Variants in LRCH3 observed in about 807,000 individuals in gnomAD.
LRCH3 encodes the protein DISP complex protein LRCH3.
LRCH3 carries 68 observed loss-of-function variants against 104.5 expected under a neutral mutation model. That is an observed-to-expected ratio of 0.65 (90% CI 0.54 to 0.80). LRCH3 has a LOEUF of 0.80. Among genes scored for constraint, LRCH3 ranks in the 30% least tolerant of loss-of-function variants. The probability of loss-of-function intolerance (pLI) is 0.00; values close to 1 mark genes in which losing one functional copy is unlikely to be tolerated. For synonymous variants in LRCH3, 344 were observed against 361.3 expected (o/e 0.95, Z 0.54); for missense variants, 951 against 953.9 (o/e 1.00, Z 0.04).
At chr3:197,877,682 G>A (rs1448274743) in intron 20 of LRCH3, among the ~76,000 whole-genome samples, 1 of 152,212 alleles carries the variant, frequency 6.6e-6, no homozygotes, top group African/African-American at 2.4e-5. Context: ...GATCATCTGT[G>A]TCAGCCAGCA....
chr3:197,801,487 C>T (rs1731890973), intron 1 of LRCH3, among the ~76,000 whole-genome samples: 1 of 152,122 alleles, frequency 6.6e-6, no homozygotes, highest in African/African-American at 2.4e-5. Context: ...CATTTATGTT[C>T]GACTTTTGTT....
chr3:197,814,008 C>A (rs1468767401), intron 1 of LRCH3, among the ~76,000 whole-genome samples: 1 of 152,090 alleles, frequency 6.6e-6, no homozygotes, highest in Admixed American at 6.6e-5. Flanking sequence ...TCAGTGATAC[C>A]TTTATATAGG....
At position 197,886,836 on chromosome 3, in the gene LRCH3, C is replaced by CA. The variant is rs1482271136; in HGVS notation, c.*3175dup. On this transcript the variant is annotated 3_prime_UTR_variant, in exon 21 of 21. Transcript: ENST00000425562. Reference sequence around the variant, plus strand: ...AAAAAAAAAAAAAAACCCACCAAACCAAAAATATACTATGCAAGGAATAAT... The same window carrying CA: ...AAAAAAAAAAAAAAACCCACCAAACCAAAAAATATACTATGCAAGGAATAAT... The CA allele has an allele frequency of 1.0e-3, 152 of 148,066 alleles. No homozygotes were observed. Among genetic ancestry groups the CA allele is most frequent in the African/African-American group, 3.7e-3 (149 of 40,264 alleles). The allele number at this position is 148,066 out of a possible 1,614,324, so 9.2% of individuals were successfully genotyped here.
Position 197,883,262 on chromosome 3 carries a change from G to A in LRCH3, c.2209-279G>A, listed in dbSNP as rs952826698. 11 of 1,124,354 alleles carry A rather than the reference G, an allele frequency of 9.8e-6. No homozygotes were observed. Among genetic ancestry groups the A allele is most frequent in the Non-Finnish European group, 1.2e-5 (11 of 917,312 alleles). The allele number at this position is 1,124,354 out of a possible 1,614,324, so 69.6% of individuals were successfully genotyped here. A position where few individuals can be genotyped will look rare whatever the true frequency, so the allele number is the denominator to read the frequency against. On this transcript the variant is annotated intron_variant, in intron 20 of 20. Coordinates refer to ENST00000425562, the MANE Select transcript of LRCH3 (RefSeq NM_001365715.1). The surrounding 1 kb of genome is among the most constrained non-coding windows in gnomAD (Gnocchi z 4.2). ...GATGTTGCTTTCACCCTGCGGTATT[G>A]TTTTCCCTCTGTTGTATGTATAGAT...
chr3:197,802,026 CT>C (rs369657035), intron 1 of LRCH3, among the ~76,000 whole-genome samples: 26 of 152,320 alleles, frequency 1.7e-4, no homozygotes, highest in African/African-American at 6.3e-4. Context: ...ACATGGCCCC[CT>C]CCATCCTCAA....
intron 1 of LRCH3, among the ~76,000 whole-genome samples, chr3:197,807,547 T>C (rs1580574256): frequency 6.6e-6 from 1 of 152,188 alleles, no homozygotes; most frequent in Admixed American, 6.5e-5. Context: ...TCCACTTTGC[T>C]AATCTCTGTA....
At chr3:197,841,380 A>C (rs1424632983) in intron 10 of LRCH3, among the ~76,000 whole-genome samples, 1 of 152,220 alleles carries the variant, frequency 6.6e-6, no homozygotes, top group Non-Finnish European at 1.5e-5. Flanking sequence ...ACCAGGAATG[A>C]CAGGCCAAAT....
Position 197,884,784 on chromosome 3 carries a change from T to G in LRCH3, c.*1118T>G, listed in dbSNP as rs561209833. ...TAGAAGGCCTAGGTTTTGCATAGTC[T>G]TCTTTTTTTTAAGAGTTGGGGTCTT... On this transcript the variant is annotated 3_prime_UTR_variant, in exon 21 of 21. Coordinates refer to ENST00000425562, the MANE Select transcript of LRCH3 (RefSeq NM_001365715.1). The G allele has an allele frequency of 2.6e-4, 40 of 151,440 alleles. No homozygotes were observed. Among genetic ancestry groups the G allele is most frequent in the African/African-American group, 6.6e-4 (27 of 40,740 alleles). 9.4% of individuals were successfully genotyped at this position (151,440 alleles called of 1,614,324 possible). A position where few individuals can be genotyped will look rare whatever the true frequency, so the allele number is the denominator to read the frequency against.
chr3:197,849,582 CTACA>C (rs965968277), intron 12 of LRCH3, among the ~76,000 whole-genome samples: 18 of 152,072 alleles, frequency 1.2e-4, no homozygotes, highest in African/African-American at 4.3e-4. Context: ...TGATTTGTTA[CTACA>C]TACAAACTTT....
chr3:197,858,820 C>G lies in LRCH3; in HGVS notation c.1645-14C>G. On this transcript the variant is annotated splice_polypyrimidine_tract_variant and intron_variant, in intron 14 of 20. Transcript: ENST00000425562. ...GCTGCCTTCTGTTTCTTCTCTTTCT[C>G]ATTTGAAATGTAGTCGCTGTCAGGG... 6.2e-7 allele frequency: 1 copy of G among 1,610,248 alleles called. No individual in the cohort carries two copies. Among genetic ancestry groups the G allele is most frequent in the South Asian group, 1.1e-5 (1 of 91,002 alleles).
intron 10 of LRCH3, among the ~76,000 whole-genome samples, chr3:197,846,001 A>ATGT (rs761069944): frequency 2.6e-5 from 4 of 152,186 alleles, no homozygotes; most frequent in Non-Finnish European, 5.9e-5. Context: ...GGTCCTTTCT[A>ATGT]TGTTTTGTTT....
chr3:197,837,371 T>G (rs1272863578), intron 9 of LRCH3, among the ~76,000 whole-genome samples: 1 of 152,228 alleles, frequency 6.6e-6, no homozygotes, highest in African/African-American at 2.4e-5. Context: ...ATTCATTGTA[T>G]TGTTTTGTAA....
At position 197,875,775 on chromosome 3, in the gene LRCH3, G is replaced by A. The variant is rs1712818531; in HGVS notation, c.2208G>A (p.Gln736=). ...LEACRKIGVP[Q]EQLCLPLHIL... ...CTTGCAGAAAAATTGGTGTACCTCAGGTAATAAATTTATCATTTTTTATGT... is the reference window on the plus strand; with the variant it reads ...CTTGCAGAAAAATTGGTGTACCTCAAGTAATAAATTTATCATTTTTTATGT... The change falls in exon 20 of 21, where the codon CAG becomes CAA. Residue 736 remains glutamine (Q), a splice_region_variant and synonymous_variant. Coordinates refer to ENST00000425562, the MANE Select transcript of LRCH3 (RefSeq NM_001365715.1). 6.6e-7 allele frequency: 1 copy of A among 1,525,590 alleles called. No homozygotes were observed. The highest frequency in any genetic ancestry group is 8.8e-7 in the Non-Finnish European group (1 of 1,138,930). 94.5% of individuals were successfully genotyped at this position (1,525,590 alleles called of 1,614,324 possible).
chr3:197,863,259 C>A (rs60062318), intron 15 of LRCH3, among the ~76,000 whole-genome samples: 33,310 of 151,870 alleles, frequency 0.22, 3,821 homozygotes, highest in South Asian at 0.28. Flanking sequence ...TCTAGCTTTT[C>A]TTTTATTTAT....
intron 10 of LRCH3, among the ~76,000 whole-genome samples, chr3:197,839,803 C>G (rs1211207187): frequency 2.6e-5 from 4 of 151,606 alleles, no homozygotes; most frequent in African/African-American, 9.7e-5. Flanking sequence ...ATCATTCTAC[C>G]CCTCTACAAA....
intron 20 of LRCH3, chr3:197,881,067 C>G (rs765157384): frequency 3.6e-6 from 4 of 1,105,948 alleles, no homozygotes; most frequent in Non-Finnish European, 4.4e-6. Flanking sequence ...TTCCAAGTCA[C>G]ACAATACAAC....
intron 1 of LRCH3, among the ~76,000 whole-genome samples, chr3:197,812,365 A>C (rs571859587): frequency 6.6e-6 from 1 of 152,326 alleles, no homozygotes; most frequent in South Asian, 2.1e-4. Flanking sequence ...ATAATATTCC[A>C]TTGTATGCAT....
chr3:197,864,359 GC>G (rs1463167716), intron 15 of LRCH3, among the ~76,000 whole-genome samples: 1 of 149,806 alleles, frequency 6.7e-6, no homozygotes, highest in Non-Finnish European at 1.5e-5. Flanking sequence ...TGTAATCCCA[GC>G]ACTTTGGGAG....
At chr3:197,828,636 C>T (rs372894740) in intron 5 of LRCH3, among the ~76,000 whole-genome samples, 7 of 150,240 alleles carry the variant, frequency 4.7e-5, no homozygotes, top group African/African-American at 7.3e-5. Flanking sequence ...TGAGCCACCG[C>T]GCCCGGCCCC....
Sources: allele counts gnomAD v4.1 joint callset (sites outside exome capture counted in the v4.1 genomes callset), GRCh38; gene constraint gnomAD v4.1.1; non-coding constraint Gnocchi (gnomAD v3.1); transcripts MANE v1.5; gene names NCBI Gene and HGNC (gene_info 2026-07-23, HGNC 2026-07-21).